Variants in POLR1B observed in about 807,000 individuals in gnomAD.
The protein encoded by POLR1B is DNA-directed RNA polymerase I subunit RPA2.
Under a neutral mutation model 105.8 loss-of-function variants are expected in POLR1B, and 30 were observed. The observed-to-expected ratio is 0.28, with a 90% CI of 0.21 to 0.38. POLR1B has a LOEUF of 0.38. POLR1B is among the 10% of genes least tolerant of loss of function. POLR1B has a pLI of 1.00. For synonymous variants in POLR1B, 485 were observed against 505.1 expected, an observed-to-expected ratio of 0.96 and a Z score of 0.53; for missense variants, 976 against 1,435.8, an observed-to-expected ratio of 0.68 and a Z score of 5.17.
At position 112,552,704 on chromosome 2, in the gene POLR1B, T is replaced by G; in HGVS notation, c.1046T>G (p.Met349Arg). ...NTEKFYMLCLMTRKLFALAKG... is the reference protein window; with the variant it reads ...NTEKFYMLCLRTRKLFALAKG... ...GAAAAGTTTTATATGCTTTGTCTCA[T>G]GACGCGAAAGCTCTTTGCTTTAGCC... Residue 349 changes from methionine to arginine, a missense_variant, in exon 7 of 15, where the codon ATG (methionine) becomes AGG (arginine). By Grantham distance (91) the Met-to-Arg change is moderately conservative. This residue lies in a region of POLR1B where 452 missense variants were observed against 616.5 expected (regional missense o/e 0.73). Transcript: ENST00000263331. The G allele has an allele frequency of 6.2e-7, 1 of 1,612,598 alleles. No individual in the cohort carries two copies. Among genetic ancestry groups the G allele is most frequent in the Non-Finnish European group, 8.5e-7 (1 of 1,179,344 alleles).
chr2:112,565,857 T>A (rs1684248324), intron 10 of POLR1B, among the ~76,000 whole-genome samples: 5 of 152,258 alleles, frequency 3.3e-5, no homozygotes, highest in Admixed American at 3.3e-4. Context: ...GGGGTGAAAG[T>A]CCCAATCCTC....
chr2:112,547,640 A>G (rs1472617788), intron 3 of POLR1B, 73 bp downstream of exon 3: 2 of 1,507,002 alleles, frequency 1.3e-6, no homozygotes, highest in Admixed American at 4.0e-5. Context: ...GAAGTGTGTC[A>G]GTGTTTTCTT....
At chr2:112,559,207 C>A in intron 8 of POLR1B, 86 bp from the exon 9 acceptor site, 1 of 1,438,896 alleles carries the variant, frequency 6.9e-7, no homozygotes, top group Non-Finnish European at 9.6e-7. Context: ...CTGTAGAGTG[C>A]TCTGAGGTTT....
intron 9 of POLR1B, among the ~76,000 whole-genome samples, chr2:112,562,691 T>G (rs1169221091): frequency 6.6e-6 from 1 of 151,846 alleles, no homozygotes; most frequent in Non-Finnish European, 1.5e-5. Context: ...CGGTGGTTGC[T>G]GAAGGTTAGG....
chr2:112,551,123 A>G, intron 5 of POLR1B, 121 bp downstream of exon 5: 2 of 966,344 alleles, frequency 2.1e-6, no homozygotes, highest in Admixed American at 2.2e-5. Context: ...CTGCTCCAAA[A>G]CAAATTACGT....
chr2:112,561,517 T>C (rs1313685512), intron 9 of POLR1B, among the ~76,000 whole-genome samples: 1 of 152,186 alleles, frequency 6.6e-6, no homozygotes, highest in Non-Finnish European at 1.5e-5. Context: ...AGTACTCATC[T>C]TTAAAGTTAC....
rs957567708 is a variant in POLR1B, at chr2:112,576,045, T to G, written c.*316T>G. ...CCTACACCCTGCTCTCAGCAGGCAGTGAGTGTCACACACCTGTTAATCCAT... is the reference window on the plus strand; with the variant it reads ...CCTACACCCTGCTCTCAGCAGGCAGGGAGTGTCACACACCTGTTAATCCAT... On this transcript the variant is annotated 3_prime_UTR_variant, in exon 15 of 15. Transcript: ENST00000263331. 5.8e-6 allele frequency: 2 copies of G among 343,688 alleles called. No homozygotes were observed. Among genetic ancestry groups the G allele is most frequent in the African/African-American group, 4.2e-5 (2 of 47,288 alleles). The allele number at this position is 343,688 out of a possible 1,614,324, so 21.3% of individuals were successfully genotyped here.
At chr2:112,549,241 C>A (rs781672660) in intron 3 of POLR1B, 26 bp from the exon 4 acceptor site, 5 of 1,611,048 alleles carry the variant, frequency 3.1e-6, no homozygotes. Flanking sequence ...CTTTGTTTAA[C>A]AAGTTGCAAT....
intron 9 of POLR1B, among the ~76,000 whole-genome samples, chr2:112,563,489 G>T (rs1684116675): frequency 6.6e-6 from 1 of 152,186 alleles, no homozygotes; most frequent in African/African-American, 2.4e-5. Flanking sequence ...GTTGCAGTCA[G>T]TCCCCTCAAA....
intron 9 of POLR1B, among the ~76,000 whole-genome samples, chr2:112,564,062 A>G (rs1684152655): frequency 1.3e-5 from 2 of 149,124 alleles, no homozygotes; most frequent in Non-Finnish European, 1.5e-5. Flanking sequence ...TAGTAACATC[A>G]GAGATCACTA....
intron 12 of POLR1B, among the ~76,000 whole-genome samples, chr2:112,569,881 T>G (rs1173649204): frequency 6.6e-6 from 1 of 151,888 alleles, no homozygotes. Flanking sequence ...TTTTTTCAGT[T>G]TAATTAAATT....
In POLR1B at chr2:112,550,852, G is replaced by T. The variant is rs1177755158; in HGVS notation, c.626-14G>T. The T allele has an allele frequency of 6.2e-7, 1 of 1,609,430 alleles. No homozygotes were observed. The highest frequency in any genetic ancestry group is 1.7e-5 in the Admixed American group (1 of 58,662). On this transcript the variant is annotated splice_polypyrimidine_tract_variant and intron_variant, in intron 4 of 14. Coordinates refer to ENST00000263331, the MANE Select transcript of POLR1B (RefSeq NM_019014.6). ...TCAATGAGTTTCTGATTTTTTTGTT[G>T]TTTGGTTCAATAGGAGTTTCAATGC...
rs1203866349 is a variant in POLR1B, at chr2:112,578,280, C to T, written c.*2551C>T. Among the ~76,000 whole-genome samples, 1 of 152,132 alleles carries T rather than the reference C, an allele frequency of 6.6e-6. No homozygotes were observed. Among genetic ancestry groups the T allele is most frequent in the Non-Finnish European group, 1.5e-5 (1 of 68,024 alleles). ...ACAGCAACATAAGCAAGATACAGAG[C>T]TGTTCCGTCATCACAGAGCTCTGCC... On this transcript the variant is annotated 3_prime_UTR_variant, in exon 15 of 15. Transcript: ENST00000263331.
At chr2:112,555,634 A>G (rs1383634488) in intron 7 of POLR1B, among the ~76,000 whole-genome samples, 13 of 152,270 alleles carry the variant, frequency 8.5e-5, no homozygotes, top group Non-Finnish European at 1.9e-4. Context: ...CCTAAGTGAC[A>G]GAGCAAGACC....
intron 9 of POLR1B, among the ~76,000 whole-genome samples, chr2:112,561,082 G>A (rs1313834475): frequency 1.3e-5 from 2 of 151,586 alleles, no homozygotes; most frequent in Non-Finnish European, 2.9e-5. Context: ...AAAAGAGAGA[G>A]AGAGTGGCCT....
At chr2:112,547,278 C>CTATTGTCT in intron 2 of POLR1B, 99 bp downstream of exon 2, 1 of 1,503,186 alleles carries the variant, frequency 6.7e-7, no homozygotes, top group South Asian at 1.3e-5. Flanking sequence ...TTTCTTGGTG[C>CTATTGTCT]TATTGTCTAA....
chr2:112,542,802 CACA>C (rs1682831308), intron 1 of POLR1B, 131 bp downstream of exon 1: 21 of 1,212,292 alleles, frequency 1.7e-5, no homozygotes, highest in Middle Eastern at 5.6e-4. Flanking sequence ...AGCGGGAGAG[CACA>C]ACATGTTAAA....
Position 112,575,191 on chromosome 2 carries a change from C to G in POLR1B, c.2870C>G (p.Ser957Trp). ...CCCTTCATCTTCTCAGAGGAGAACT[C>G]GGCCTTAGAATACTTTGGTGAGATG... ...ATPFIFSEEN[S>W]ALEYFGEMLK... Residue 957 changes from serine (S) to tryptophan (W), a missense_variant, in exon 15 of 15, where the codon TCG (serine) becomes TGG (tryptophan). Physicochemically the swap from Ser to Trp is radical, Grantham distance 177. Coordinates refer to ENST00000263331, the MANE Select transcript of POLR1B (RefSeq NM_019014.6). This position sits in a 1 kb window ranked among gnomAD's most constrained non-coding sequence, Gnocchi z 5.3. The G allele has an allele frequency of 6.2e-7, 1 of 1,614,102 alleles. No individual in the cohort carries two copies. The highest frequency in any genetic ancestry group is 8.5e-7 in the Non-Finnish European group (1 of 1,180,034).
intron 5 of POLR1B, 102 bp from the exon 6 acceptor site, chr2:112,551,672 AT>A: frequency 1.0e-6 from 1 of 960,720 alleles, no homozygotes; most frequent in Non-Finnish European, 1.5e-6. Context: ...CAGAGTGCTA[AT>A]TTTCCTTGGG....
Sources: allele counts gnomAD v4.1 joint callset (sites outside exome capture counted in the v4.1 genomes callset), GRCh38; gene constraint gnomAD v4.1.1; regional missense constraint gnomAD v4.1.1; non-coding constraint Gnocchi (gnomAD v3.1); transcripts MANE v1.5; gene names NCBI Gene and HGNC (gene_info 2026-07-23, HGNC 2026-07-21).